The following SPINT3 variants were observed in gnomAD, a reference collection of about 807,000 sequenced individuals.
SPINT3 encodes serine peptidase inhibitor, Kunitz type 3, also known as kunitz-type protease inhibitor 3.
Under a neutral mutation model 3.3 loss-of-function variants are expected in SPINT3, and 4 were observed. That is an observed-to-expected ratio of 1.22 (90% CI 0.60 to 2.79). SPINT3 has a LOEUF of 2.79. Ranked by LOEUF, SPINT3 falls within the 30% of genes most tolerant of loss-of-function variation. The pLI is 0.01. For synonymous variants in SPINT3, 30 were observed against 38.6 expected (o/e 0.78, Z 0.83); for missense variants, 97 against 104.3 (o/e 0.93, Z 0.31).
At chr20:45,512,941 A>G in intron 1 of SPINT3, 97 bp from the exon 2 acceptor site, 1 of 922,482 alleles carries the variant, frequency 1.1e-6, no homozygotes, top group Non-Finnish European at 1.6e-6. Flanking sequence ...CACAATTGTG[A>G]GGCCATCCAC....
At position 45,512,600 on chromosome 20, in the gene SPINT3, G is replaced by C; in HGVS notation, c.*51C>G. Reference sequence around the variant, plus strand: ...ACACACACACGCAAATGCCTTCTATGGCCCTCAGAGCAATCCCGAATCCAT... The same window carrying C: ...ACACACACACGCAAATGCCTTCTATCGCCCTCAGAGCAATCCCGAATCCAT... On this transcript the variant is annotated 3_prime_UTR_variant, in exon 2 of 2. Transcript: ENST00000217428. The C allele has an allele frequency of 6.6e-7, 1 of 1,506,860 alleles. No homozygotes were observed. Among genetic ancestry groups the C allele is most frequent in the South Asian group, 1.2e-5 (1 of 80,388 alleles). 93.3% of individuals were successfully genotyped at this position (1,506,860 alleles called of 1,614,324 possible). A position where few individuals can be genotyped will look rare whatever the true frequency, so the allele number is the denominator to read the frequency against.
At position 45,512,732 on chromosome 20, in the gene SPINT3, T is replaced by A. The variant is rs1476598254; in HGVS notation, c.189A>T (p.Leu63Phe). ...FFNFETGECE[L>F]FAYGGCGGNS... The stretch of plus-strand genomic sequence containing the variant: ...TGCCTCCGCAGCCTCCGTAAGCAAA[T>A]AACTCACATTCACCAGTTTCAAAGT... The change falls in exon 2 of 2, where the codon TTA becomes TTT. Residue 63 changes from leucine (L) to phenylalanine (F), a missense_variant. Leu to Phe is a conservative substitution (Grantham distance 22). Coordinates refer to ENST00000217428, the MANE Select transcript of SPINT3 (RefSeq NM_006652.2). 6.4e-7 allele frequency: 1 copy of A among 1,551,606 alleles called. No individual in the cohort carries two copies. Among genetic ancestry groups the A allele is most frequent in the Non-Finnish European group, 8.7e-7 (1 of 1,147,008 alleles).
At position 45,512,566 on chromosome 20, in the gene SPINT3, C is replaced by T; in HGVS notation, c.*85G>A. ...TAGAGGAATGAACCTCTTGTTCACA[C>T]ACACACACACACACACACGCAAATG... On this transcript the variant is annotated 3_prime_UTR_variant, in exon 2 of 2. Transcript: ENST00000217428. 3.4e-6 allele frequency: 1 copy of T among 295,924 alleles called. No homozygotes were observed. Among genetic ancestry groups the T allele is most frequent in the Non-Finnish European group, 5.1e-6 (1 of 198,018 alleles). 18.3% of individuals were successfully genotyped at this position (295,924 alleles called of 1,614,324 possible). A position where few individuals can be genotyped will look rare whatever the true frequency, so the allele number is the denominator to read the frequency against.
intron 1 of SPINT3, among the ~76,000 whole-genome samples, chr20:45,513,601 G>A (rs946769925): frequency 6.6e-6 from 1 of 152,180 alleles, no homozygotes; most frequent in Admixed American, 6.5e-5. Context: ...TGCAGCCTTA[G>A]TGCCTAACAC....
intron 1 of SPINT3, 62 bp from the exon 2 acceptor site, chr20:45,512,906 T>G: frequency 7.2e-7 from 1 of 1,394,570 alleles, no homozygotes; most frequent in Non-Finnish European, 9.8e-7. Flanking sequence ...TTGCCTCATA[T>G]GCCAGGGGCT....
In SPINT3 at chr20:45,515,575, T is replaced by C. The variant is rs1028442756; in HGVS notation, c.34A>G (p.Ile12Val). The C allele has an allele frequency of 3.9e-6, 6 of 1,549,740 alleles. No individual in the cohort carries two copies. The East Asian group carries it at 1.5e-4, about 38-fold the overall frequency. ...QLQASLSFLL[I>V]LTLCLELRSE... Reference sequence around the variant, plus strand: ...CGAAGCTCTAGGCAGAGAGTGAGAATCAGGAGAAACGAGAGAGAGGCCTGA... The same window carrying C: ...CGAAGCTCTAGGCAGAGAGTGAGAACCAGGAGAAACGAGAGAGAGGCCTGA... Residue 12 changes from isoleucine to valine, a missense_variant, in exon 1 of 2, where the codon ATT becomes GTT. Transcript: ENST00000217428.
At position 45,515,362 on chromosome 20, in the gene SPINT3, G is replaced by A. The variant is rs1978844705; in HGVS notation, c.76+171C>T. On this transcript the variant is annotated intron_variant, in intron 1 of 1. Coordinates refer to ENST00000217428, the MANE Select transcript of SPINT3 (RefSeq NM_006652.2). ...ACCTCAGCACCTAGGACAGTGCCTG[G>A]CACATAACTATGTGCCCAACATATG... Among the ~76,000 whole-genome samples the A allele has an allele frequency of 1.3e-5, 2 of 152,140 alleles. 1 individual carries two copies. The highest frequency in any genetic ancestry group is 4.1e-4 in the South Asian group (2 of 4,828).
chr20:45,513,159 T>G (rs1280995828), intron 1 of SPINT3, among the ~76,000 whole-genome samples: 1 of 152,262 alleles, frequency 6.6e-6, no homozygotes, highest in Non-Finnish European at 1.5e-5. Flanking sequence ...TTTCTTCATT[T>G]GTAAAATCAA....
At chr20:45,515,438 A>G in intron 1 of SPINT3, 95 bp downstream of exon 1, 1 of 1,031,614 alleles carries the variant, frequency 9.7e-7, no homozygotes. Flanking sequence ...TAAGGTAAGA[A>G]ATGGGCTCTG....
chr20:45,515,501 C>A, intron 1 of SPINT3, 32 bp downstream of exon 1: 1 of 1,496,944 alleles, frequency 6.7e-7, no homozygotes, highest in Non-Finnish European at 9.1e-7. Flanking sequence ...GATTCCCAGT[C>A]TATTCTTTGA....
At chr20:45,515,500 T>C (rs1345381043) in intron 1 of SPINT3, 33 bp downstream of exon 1, 10 of 1,412,974 alleles carry the variant, frequency 7.1e-6, no homozygotes, top group Non-Finnish European at 9.7e-6. Context: ...TGATTCCCAG[T>C]CTATTCTTTG....
At chr20:45,514,094 G>A (rs527818901) in intron 1 of SPINT3, among the ~76,000 whole-genome samples, 1 of 152,292 alleles carries the variant, frequency 6.6e-6, no homozygotes, top group South Asian at 2.1e-4. Context: ...AGGTGGAGGG[G>A]CATGTTCTTA....
rs576585297 is a variant in SPINT3, at chr20:45,515,060, T to C, written c.76+473A>G. ...CCACTTCCATTTGCAGATTCCAAGC[T>C]TCCACAGAGAAAGTGGTCCAGGAAG... On this transcript the variant is annotated intron_variant, in intron 1 of 1. Transcript: ENST00000217428. 3.9e-5 allele frequency among the ~76,000 whole-genome samples: 6 copies of C among 152,254 alleles called. No homozygotes were observed. The South Asian group carries it at 1.2e-3, about 32-fold the overall frequency.
At chr20:45,514,585 G>T (rs934873980) in intron 1 of SPINT3, among the ~76,000 whole-genome samples, 7 of 152,148 alleles carry the variant, frequency 4.6e-5, no homozygotes, top group Non-Finnish European at 1.5e-5. Context: ...TCAAACTTGA[G>T]TATGCGTCAG....
Position 45,512,579 on chromosome 20 carries a change from ACACACG to A in SPINT3, c.*66_*71del, listed in dbSNP as rs932030760. On this transcript the variant is annotated 3_prime_UTR_variant, in exon 2 of 2. Transcript: ENST00000217428. ...CTCTTGTTCACACACACACACACAC[ACACACG>A]CAAATGCCTTCTATGGCCCTCAGAG... 5.3e-6 allele frequency: 6 copies of A among 1,124,904 alleles called. No homozygotes were observed. Among genetic ancestry groups the A allele is most frequent in the African/African-American group, 1.7e-5 (1 of 59,270 alleles). The allele number at this position is 1,124,904 out of a possible 1,614,324, so 69.7% of individuals were successfully genotyped here. A position where few individuals can be genotyped will look rare whatever the true frequency, so the allele number is the denominator to read the frequency against.
At chr20:45,514,207 C>T (rs1048827726) in intron 1 of SPINT3, among the ~76,000 whole-genome samples, 4 of 152,200 alleles carry the variant, frequency 2.6e-5, no homozygotes, top group Non-Finnish European at 5.9e-5. Flanking sequence ...TGCTTCTCTG[C>T]TCTTCCATTC....
rs953489376 is a variant in SPINT3 at position 45,512,817 on chromosome 20, A to G, written c.104T>C (p.Val35Ala). The change falls in exon 2 of 2, where the codon GTA becomes GCA. Residue 35 changes from valine to alanine, a missense_variant. Val to Ala is a moderately conservative substitution (Grantham distance 64). Transcript: ENST00000217428. ...GCCCTTTTCCATAGGAAAAGCGCAT[A>G]CATTTGGGAGGAGATCCTTGATAGT... The part of the protein sequence containing the change: ...RDTIKDLLPN[V>A]CAFPMEKGPC... The G allele has an allele frequency of 7.7e-6, 12 of 1,551,690 alleles. No individual in the cohort carries two copies. The highest frequency in any genetic ancestry group is 1.0e-5 in the Non-Finnish European group (12 of 1,146,978).
chr20:45,512,605 T>G lies in SPINT3; in HGVS notation c.*46A>C. 2.0e-6 allele frequency: 3 copies of G among 1,533,668 alleles called. No individual in the cohort carries two copies. The highest frequency in any genetic ancestry group is 2.6e-6 in the Non-Finnish European group (3 of 1,134,634). ...CACACGCAAATGCCTTCTATGGCCC[T>G]CAGAGCAATCCCGAATCCATGGAGG... On this transcript the variant is annotated 3_prime_UTR_variant, in exon 2 of 2. Coordinates refer to ENST00000217428, the MANE Select transcript of SPINT3 (RefSeq NM_006652.2).
At chr20:45,514,709 G>T (rs1454569378) in intron 1 of SPINT3, among the ~76,000 whole-genome samples, 1 of 152,048 alleles carries the variant, frequency 6.6e-6, no homozygotes, top group Non-Finnish European at 1.5e-5. Flanking sequence ...TCAGACTAGG[G>T]GACAAACTCG....
Sources: allele counts gnomAD v4.1 joint callset (sites outside exome capture counted in the v4.1 genomes callset), GRCh38; gene constraint gnomAD v4.1.1; transcripts MANE v1.5; gene names NCBI Gene and HGNC (gene_info 2026-07-23, HGNC 2026-07-21).